The following NUAK1 variants were observed in gnomAD, a reference collection of about 807,000 sequenced individuals.
The protein encoded by NUAK1 is NUAK family kinase 1, also known as NUAK family SNF1-like kinase 1.
A neutral mutation model predicts 56.9 loss-of-function variants in NUAK1; 26 were observed. That is an observed-to-expected ratio of 0.46 (90% CI 0.33 to 0.63). The LOEUF (loss-of-function observed/expected upper bound fraction) is 0.63, where lower values mean the gene tolerates loss of function less well. NUAK1 is among the 30% of genes least tolerant of loss of function. The pLI, the probability that NUAK1 is intolerant of heterozygous loss-of-function variation, is 0.02. For synonymous variants in NUAK1, 337 were observed against 336.0 expected, an observed-to-expected ratio of 1.00 and a Z score of -0.03; for missense variants, 727 against 876.1, an observed-to-expected ratio of 0.83 and a Z score of 2.15.
intron 1 of NUAK1, among the ~76,000 whole-genome samples, chr12:106,109,444 A>G (rs990507732): frequency 6.7e-5 from 10 of 149,274 alleles, no homozygotes; most frequent in African/African-American, 2.5e-4. Flanking sequence ...TTCCCATTTT[A>G]TCTTCTCTGG....
chr12:106,092,785 T>C (rs551832379), intron 2 of NUAK1, among the ~76,000 whole-genome samples: 85 of 152,226 alleles, frequency 5.6e-4, no homozygotes, highest in African/African-American at 1.4e-3. Context: ...CCCAGCAAGA[T>C]TGGATGGCAG....
chr12:106,132,698 A>G (rs1490803795), intron 1 of NUAK1, among the ~76,000 whole-genome samples: 1 of 152,158 alleles, frequency 6.6e-6, no homozygotes, highest in Non-Finnish European at 1.5e-5. Context: ...AGGTCCAACA[A>G]ACAGACCAAC....
At chr12:106,137,050 A>T (rs2033136233) in intron 1 of NUAK1, among the ~76,000 whole-genome samples, 2 of 141,706 alleles carry the variant, frequency 1.4e-5, no homozygotes, top group Admixed American at 1.5e-4. Context: ...TTTCCAATTA[A>T]TTGATAACAG....
intron 4 of NUAK1, among the ~76,000 whole-genome samples, chr12:106,075,125 C>G (rs560689948): frequency 6.6e-6 from 1 of 152,208 alleles, no homozygotes; most frequent in Non-Finnish European, 1.5e-5. Context: ...GCTCTGTAGC[C>G]GTTCTGGAGA....
At chr12:106,123,692 T>G (rs1322098773) in intron 1 of NUAK1, among the ~76,000 whole-genome samples, 1 of 152,154 alleles carries the variant, frequency 6.6e-6, no homozygotes, top group East Asian at 1.9e-4. Context: ...GCTGGAATTT[T>G]TATAGCCCAT....
chr12:106,069,676 C>G (rs2032383308), intron 6 of NUAK1, among the ~76,000 whole-genome samples: 1 of 152,138 alleles, frequency 6.6e-6, no homozygotes, highest in African/African-American at 2.4e-5. Context: ...GAACCTAACC[C>G]TCTATTTCCC....
chr12:106,125,414 A>G (rs1480915473), intron 1 of NUAK1, among the ~76,000 whole-genome samples: 1 of 152,188 alleles, frequency 6.6e-6, no homozygotes, highest in Non-Finnish European at 1.5e-5. Context: ...TGAACCCTGA[A>G]GTCAGACGGT....
intron 4 of NUAK1, among the ~76,000 whole-genome samples, chr12:106,075,886 C>T (rs181131362): frequency 3.0e-4 from 45 of 152,330 alleles, no homozygotes; most frequent in African/African-American, 9.6e-4. Flanking sequence ...CAGCAGCAAC[C>T]AACATCAAGC....
chr12:106,117,195 C>T (rs1412305229), intron 1 of NUAK1, among the ~76,000 whole-genome samples: 1 of 152,216 alleles, frequency 6.6e-6, no homozygotes, highest in East Asian at 1.9e-4. Flanking sequence ...CCCATGCCAA[C>T]AGGCAGGCAC....
In NUAK1 at chr12:106,067,070, C is replaced by T; in HGVS notation, c.1718G>A (p.Ser573Asn). Residue 573 changes from serine to asparagine, a missense_variant, in exon 7 of 7, where the codon AGC becomes AAC. By Grantham distance (46) the Ser-to-Asn change is conservative. Coordinates refer to ENST00000261402, the MANE Select transcript of NUAK1 (RefSeq NM_014840.3). This position sits in a 1 kb window ranked among gnomAD's most constrained non-coding sequence, Gnocchi z 6.0. ...GTCGCTGGACAGCACGCTGTCATCG[C>T]TGATGACACTGGAAGGGCGGCTGTA... ...RSYSRPSSVI[S>N]DDSVLSSDSF... 1.2e-6 allele frequency: 2 copies of T among 1,614,190 alleles called. No homozygotes were observed. Among genetic ancestry groups the T allele is most frequent in the Admixed American group, 1.7e-5 (1 of 60,032 alleles).
intron 2 of NUAK1, among the ~76,000 whole-genome samples, chr12:106,098,506 G>A (rs1260348705): frequency 6.6e-6 from 1 of 152,136 alleles, no homozygotes; most frequent in Non-Finnish European, 1.5e-5. Context: ...AGAAAGCCAG[G>A]ATCACCCTTA....
chr12:106,138,533 C>G lies in NUAK1; in HGVS notation c.121G>C (p.Gly41Arg). The change falls in exon 1 of 7, where the codon GGG becomes CGG. Residue 41 changes from glycine to arginine, a missense_variant. Transcript: ENST00000261402. The surrounding 1 kb of genome is among the most constrained non-coding windows in gnomAD (Gnocchi z 5.0). ...TGCTTGTGGTGATGCCGCTTCACCCCGTGCGGCTTCCTGGGCTCCAGGGCT... is the reference window on the plus strand; with the variant it reads ...TGCTTGTGGTGATGCCGCTTCACCCGGTGCGGCTTCCTGGGCTCCAGGGCT... ...TAALEPRKPH[G>R]VKRHHHKHNL... The G allele has an allele frequency of 1.2e-6, 2 of 1,612,668 alleles. No individual in the cohort carries two copies. The highest frequency in any genetic ancestry group is 1.7e-6 in the Non-Finnish European group (2 of 1,179,786).
chr12:106,067,013 C>A lies in NUAK1; in HGVS notation c.1775G>T (p.Arg592Leu). 1.2e-6 allele frequency: 2 copies of A among 1,614,168 alleles called. No individual in the cohort carries two copies. The highest frequency in any genetic ancestry group is 2.2e-5 in the East Asian group (1 of 44,866). The change falls in exon 7 of 7, where the codon CGC (arginine) becomes CTC (leucine). Residue 592 changes from arginine (R) to leucine (L), a missense_variant. Transcript: ENST00000261402. This position sits in a 1 kb window ranked among gnomAD's most constrained non-coding sequence, Gnocchi z 6.0. ...GCTGCGGATGCGCTGGCGGGCAGGG[C>A]GATTCTCCTGCAAATCCAGCAAGTC... The part of the protein sequence containing the change: ...SFDLLDLQEN[R>L]PARQRIRSCV...
At chr12:106,122,708 T>C (rs1413955582) in intron 1 of NUAK1, among the ~76,000 whole-genome samples, 5 of 152,186 alleles carry the variant, frequency 3.3e-5, no homozygotes, top group Admixed American at 6.5e-5. Context: ...ATAAAGACCA[T>C]GGACTTCCCC....
chr12:106,072,942 G>T, intron 4 of NUAK1, 99 bp from the exon 5 acceptor site: 1 of 1,398,070 alleles, frequency 7.2e-7, no homozygotes, highest in Non-Finnish European at 9.9e-7. Flanking sequence ...TGGATGAAGG[G>T]CACCTGGGTG....
chr12:106,067,479 T>G lies in NUAK1; in HGVS notation c.1309A>C (p.Arg437=), dbSNP rs752522185. Residue 437 remains arginine, a synonymous_variant, in exon 7 of 7, where the codon AGG becomes CGG. Transcript: ENST00000261402. This position sits in a 1 kb window ranked among gnomAD's most constrained non-coding sequence, Gnocchi z 6.0. The stretch of plus-strand genomic sequence containing the variant: ...GAGCTTGGGAGGAGCACGCCAGTCC[T>G]GCACAAGTCCTGCTCCATCTTGAAA... ...STFKMEQDLC[R]TGVLLPSSPE... is the part of the protein sequence containing the mutation. 3.7e-6 allele frequency: 6 copies of G among 1,614,082 alleles called. No homozygotes were observed. The Admixed American group carries it at 8.3e-5, about 22-fold the overall frequency.
chr12:106,074,987 C>A (rs963597538), intron 4 of NUAK1, among the ~76,000 whole-genome samples: 1 of 152,172 alleles, frequency 6.6e-6, no homozygotes, highest in East Asian at 1.9e-4. Context: ...AAAATGCATT[C>A]TCTTCCCGCC....
At chr12:106,085,435 A>G (rs897236286) in intron 3 of NUAK1, among the ~76,000 whole-genome samples, 8 of 152,248 alleles carry the variant, frequency 5.3e-5, no homozygotes, top group Non-Finnish European at 1.2e-4. Flanking sequence ...TCAATTAAAC[A>G]TAATATTTAA....
chr12:106,115,156 A>G (rs1285659519), intron 1 of NUAK1, among the ~76,000 whole-genome samples: 1 of 152,250 alleles, frequency 6.6e-6, no homozygotes, highest in Non-Finnish European at 1.5e-5. Flanking sequence ...AGCTAGGAAC[A>G]CAAAAACCTA....
Sources: allele counts gnomAD v4.1 joint callset (sites outside exome capture counted in the v4.1 genomes callset), GRCh38; gene constraint gnomAD v4.1.1; non-coding constraint Gnocchi (gnomAD v3.1); transcripts MANE v1.5; gene names NCBI Gene and HGNC (gene_info 2026-07-23, HGNC 2026-07-21).